PDZD2: variants seen among roughly 807,000 people sequenced by gnomAD.
The protein encoded by PDZD2 is PDZ domain containing 2.
PDZD2 carries 90 observed loss-of-function variants against 220.7 expected under a neutral mutation model. The observed-to-expected ratio is 0.41, with a 90% CI of 0.34 to 0.49. The LOEUF is 0.49. Ranked by LOEUF, PDZD2 falls within the 20% of genes least tolerant of loss-of-function variation. PDZD2 has a pLI of 0.28. For missense variants in PDZD2, 3,174 were observed against 3,608.5 expected (o/e 0.88, Z 3.08); for synonymous variants, 1,375 against 1,450.5 (o/e 0.95, Z 1.18).
chr5:31,930,215 TTTTTTTTTTG>T (rs1366848990), intron 2 of PDZD2, among the ~76,000 whole-genome samples: 1,003 of 30,142 alleles, frequency 0.033, 34 homozygotes, highest in African/African-American at 0.078. Flanking sequence ...TTTTTTTTTT[TTTTTTTTTTG>T]GAGACAGTCT....
Position 32,092,274 on chromosome 5 carries a change from GAA to G in PDZD2, c.7728-617_7728-616del, listed in dbSNP as rs61474035. Reference sequence around the variant, plus strand: ...GGGCAACAGAGTAAGACTCAATCTCGAAAAAAAAAAAAAAAAAGCCAGGCCCA... The same window carrying G: ...GGGCAACAGAGTAAGACTCAATCTCGAAAAAAAAAAAAAAAGCCAGGCCCA... On this transcript the variant is annotated intron_variant, in intron 20 of 24. Transcript: ENST00000438447. Among the ~76,000 whole-genome samples, 388 of 86,222 alleles carry G rather than the reference GAA, an allele frequency of 4.5e-3. 1 individual carries two copies. Among genetic ancestry groups the G allele is most frequent in the African/African-American group, 0.014 (347 of 24,494 alleles). The allele number at this position is 86,222 out of a possible 152,430, so 56.6% of individuals were successfully genotyped here. A position where few individuals can be genotyped will look rare whatever the true frequency, so the allele number is the denominator to read the frequency against.
chr5:31,930,663 C>T (rs16901686), intron 2 of PDZD2, among the ~76,000 whole-genome samples: 17,827 of 152,152 alleles, frequency 0.12, 1,292 homozygotes, highest in South Asian at 0.24. Context: ...CCTCTGTGTG[C>T]AGGATATACT....
chr5:31,944,113 C>T (rs973025260), intron 2 of PDZD2, among the ~76,000 whole-genome samples: 2 of 152,142 alleles, frequency 1.3e-5, no homozygotes, highest in Non-Finnish European at 1.5e-5. Flanking sequence ...AATCTTTAAA[C>T]ATTTAGGGTA....
intron 6 of PDZD2, among the ~76,000 whole-genome samples, chr5:32,024,089 A>G (rs768660140): frequency 3.9e-5 from 6 of 152,182 alleles, no homozygotes; most frequent in Non-Finnish European, 7.3e-5. Context: ...CTGCTTCATG[A>G]TTGCCCCGTA....
At chr5:31,737,604 C>T (rs570040328) in intron 1 of PDZD2, among the ~76,000 whole-genome samples, 5 of 152,328 alleles carry the variant, frequency 3.3e-5, no homozygotes, top group Non-Finnish European at 1.5e-5. Flanking sequence ...AATAACTTCA[C>T]TTTTAGCTGT....
rs60095510 is a variant in PDZD2, at chr5:32,011,032, C to T, written c.1407+550C>T. On this transcript the variant is annotated intron_variant, in intron 6 of 24. Transcript: ENST00000438447. ...TCAAAAAAAAAAAAAACAACAACAA[C>T]AACAACAACTGGATATTGAGTTCAG... Among the ~76,000 whole-genome samples the T allele has an allele frequency of 3.1e-5, 4 of 128,938 alleles. No individual in the cohort carries two copies. The South Asian group carries it at 6.9e-4, about 22-fold the overall frequency. 84.6% of individuals were successfully genotyped at this position (128,938 alleles called of 152,430 possible).
chr5:31,743,310 G>C (rs114424224), intron 1 of PDZD2, among the ~76,000 whole-genome samples: 5,794 of 152,090 alleles, frequency 0.038, 138 homozygotes, highest in Middle Eastern at 0.16. Context: ...CAATGGCTGG[G>C]ATTACAGGCA....
chr5:31,890,262 C>T (rs927513941), intron 2 of PDZD2, among the ~76,000 whole-genome samples: 2 of 151,418 alleles, frequency 1.3e-5, no homozygotes, highest in African/African-American at 4.9e-5. Flanking sequence ...CCACTAGCCA[C>T]GTGTGAAATG....
intron 1 of PDZD2, among the ~76,000 whole-genome samples, chr5:31,761,571 G>T: frequency 6.6e-6 from 1 of 151,980 alleles, no homozygotes; most frequent in South Asian, 2.1e-4. Context: ...ATAAAGAAAA[G>T]AAGGTTAGGC....
chr5:31,770,800 C>T, intron 1 of PDZD2, among the ~76,000 whole-genome samples: 1 of 139,842 alleles, frequency 7.2e-6, no homozygotes. Flanking sequence ...GGCTCCAGCT[C>T]TCTTAGAGCC....
chr5:31,728,321 A>C (rs1280538632), intron 1 of PDZD2, among the ~76,000 whole-genome samples: 2 of 152,118 alleles, frequency 1.3e-5, no homozygotes, highest in East Asian at 3.9e-4. Context: ...ACACCCCTTG[A>C]GAAATGCTGC....
intron 4 of PDZD2, among the ~76,000 whole-genome samples, chr5:31,998,760 T>C (rs1349827918): frequency 6.6e-6 from 1 of 152,214 alleles, no homozygotes; most frequent in Non-Finnish European, 1.5e-5. Flanking sequence ...AAAAATCTCA[T>C]CATGTTTTAA....
chr5:31,956,745 C>T (rs1407302067), intron 2 of PDZD2, among the ~76,000 whole-genome samples: 1 of 82,588 alleles, frequency 1.2e-5, no homozygotes, highest in African/African-American at 5.2e-5. Flanking sequence ...GGCAACAGAG[C>T]AAGACTCCAT....
intron 1 of PDZD2, among the ~76,000 whole-genome samples, chr5:31,784,209 G>C (rs1753242669): frequency 6.6e-6 from 1 of 152,174 alleles, no homozygotes. Flanking sequence ...AACTGCCTGT[G>C]AGTGCCCCAC....
intron 2 of PDZD2, chr5:31,854,807 T>A (rs1758282834): frequency 5.1e-6 from 1 of 195,304 alleles, no homozygotes; most frequent in Non-Finnish European, 9.3e-6. Context: ...GGGGAGGGGA[T>A]CTTGGAATGC....
At chr5:31,744,181 G>A (rs1750443060) in intron 1 of PDZD2, 1 of 152,252 alleles carries the variant, frequency 6.6e-6, no homozygotes, top group South Asian at 2.1e-4. Context: ...GTCCTTTTAA[G>A]GTCTATGGCT....
At chr5:31,908,053 A>G (rs1271665789) in intron 2 of PDZD2, among the ~76,000 whole-genome samples, 1 of 132,128 alleles carries the variant, frequency 7.6e-6, no homozygotes, top group African/African-American at 2.9e-5. Flanking sequence ...ATTGCACTCT[A>G]GCCTGGGTGA....
At chr5:31,968,057 C>G (rs1446139045) in intron 2 of PDZD2, among the ~76,000 whole-genome samples, 2 of 152,174 alleles carry the variant, frequency 1.3e-5, no homozygotes, top group South Asian at 2.1e-4. Flanking sequence ...ATCCCCCATG[C>G]AAAAGTATTT....
At chr5:31,980,680 A>G (rs990140220) in intron 2 of PDZD2, among the ~76,000 whole-genome samples, 1 of 152,234 alleles carries the variant, frequency 6.6e-6, no homozygotes, top group Non-Finnish European at 1.5e-5. Context: ...TTTTTCCAGT[A>G]TGGAAAAAAT....
Sources: allele counts gnomAD v4.1 joint callset (sites outside exome capture counted in the v4.1 genomes callset), GRCh38; gene constraint gnomAD v4.1.1; transcripts MANE v1.5; gene names NCBI Gene and HGNC (gene_info 2026-07-23, HGNC 2026-07-21).